SLC30A8: variants seen among roughly 807,000 people sequenced by gnomAD.
SLC30A8 encodes solute carrier family 30 member 8.
A neutral mutation model predicts 36.9 loss-of-function variants in SLC30A8; 27 were observed. The ratio of observed to expected loss-of-function variants is 0.73; its 90% confidence interval spans 0.54 to 1.01. SLC30A8 has a LOEUF of 1.01. Ranked by LOEUF, SLC30A8 falls within the 50% of genes least tolerant of loss-of-function variation. The pLI, the probability that SLC30A8 is intolerant of heterozygous loss-of-function variation, is 0.00. For synonymous variants in SLC30A8, 164 were observed against 172.4 expected (o/e 0.95, Z 0.38); for missense variants, 439 against 452.0 (o/e 0.97, Z 0.26).
chr8:117,039,600 A>G (rs911136081), intron 2 of SLC30A8, among the ~76,000 whole-genome samples: 7 of 152,308 alleles, frequency 4.6e-5, no homozygotes, highest in Middle Eastern at 3.4e-3. Context: ...AGTGCCTCCA[A>G]CTGAGCTTTA....
At chr8:117,070,246 C>G (rs1818290690) in intron 2 of SLC30A8, among the ~76,000 whole-genome samples, 1 of 152,100 alleles carries the variant, frequency 6.6e-6, no homozygotes, top group Admixed American at 6.5e-5. Context: ...CTGTGAGATT[C>G]CACTGCTGGT....
At position 117,163,446 on chromosome 8, in the gene SLC30A8, C is replaced by T. The variant is rs774641324; in HGVS notation, c.745C>T (p.Pro249Ser). 1.4e-5 allele frequency: 23 copies of T among 1,613,208 alleles called. No homozygotes were observed. The highest frequency in any genetic ancestry group is 1.9e-5 in the Non-Finnish European group (23 of 1,179,516). ...CTAGCCAGAGTATAAAATAGCCGACCCAATCTGCACATTCATCTTTTCCAT... is the reference window on the plus strand; with the variant it reads ...CTAGCCAGAGTATAAAATAGCCGACTCAATCTGCACATTCATCTTTTCCAT... ...YFKPEYKIADPICTFIFSILV... is the reference protein window; with the variant it reads ...YFKPEYKIADSICTFIFSILV... Residue 249 changes from proline to serine, a missense_variant, in exon 6 of 8, where the codon CCA (proline) becomes TCA (serine). Transcript: ENST00000456015.
chr8:117,115,807 G>A (rs1820418849), intron 2 of SLC30A8, among the ~76,000 whole-genome samples: 1 of 152,156 alleles, frequency 6.6e-6, no homozygotes, highest in African/African-American at 2.4e-5. Flanking sequence ...ATGAGGAGGG[G>A]CTAGCTGTTC....
rs552986437 is a variant in SLC30A8, at chr8:117,052,148, T to TTAAAGGCGTGCACC, written c.-226+12891_-226+12904dup. Among the ~76,000 whole-genome samples, 29 of 152,230 alleles carry TTAAAGGCGTGCACC rather than the reference T, an allele frequency of 1.9e-4. 1 individual carries two copies. In the South Asian group the frequency reaches 6.0e-3, roughly 32 times the overall value. ...GCCTCAGCCTCCCAAGTGGCTGGGA[T>TTAAAGGCGTGCACC]TAAAGGCGTGCACCACCACACCCAA... On this transcript the variant is annotated intron_variant, in intron 2 of 10. Transcript: ENST00000427715.
chr8:117,105,346 T>TTTTA (rs367947838), intron 2 of SLC30A8, among the ~76,000 whole-genome samples: 2,460 of 152,110 alleles, frequency 0.016, 68 homozygotes, highest in African/African-American at 0.056. Flanking sequence ...ACTTCCATAT[T>TTTTA]TTTATTTATT....
chr8:117,019,155 G>A (rs1441887811), intron 1 of SLC30A8, among the ~76,000 whole-genome samples: 1 of 152,138 alleles, frequency 6.6e-6, no homozygotes, highest in Non-Finnish European at 1.5e-5. Context: ...TCCCCACAGA[G>A]ACTGTGAGGT....
intron 1 of SLC30A8, among the ~76,000 whole-genome samples, chr8:117,017,183 G>A (rs1816548172): frequency 6.6e-6 from 1 of 152,076 alleles, no homozygotes; most frequent in African/African-American, 2.4e-5. Flanking sequence ...ACTGTACCAG[G>A]CACAAAGTAA....
intron 7 of SLC30A8, 151 bp downstream of exon 7, chr8:117,171,319 G>A (rs1313856577): frequency 3.6e-6 from 3 of 826,128 alleles, no homozygotes; most frequent in Admixed American, 2.1e-5. Flanking sequence ...TTTGAAACCA[G>A]CCCACTTATT....
chr8:117,114,255 T>G (rs908650604), intron 2 of SLC30A8, among the ~76,000 whole-genome samples: 1 of 152,098 alleles, frequency 6.6e-6, no homozygotes, highest in African/African-American at 2.4e-5. Flanking sequence ...AGATTAGGAT[T>G]TGAATGGAAA....
intron 1 of SLC30A8, among the ~76,000 whole-genome samples, chr8:117,030,495 G>C (rs1817010322): frequency 6.6e-6 from 1 of 152,038 alleles, no homozygotes; most frequent in Non-Finnish European, 1.5e-5. Context: ...GTGAATCTAA[G>C]GCATGCTCAA....
intron 2 of SLC30A8, among the ~76,000 whole-genome samples, chr8:117,093,027 T>C (rs1819197549): frequency 6.6e-6 from 1 of 152,150 alleles, no homozygotes; most frequent in South Asian, 2.1e-4. Context: ...CACTACTTCC[T>C]AGTCTATCCT....
intron 1 of SLC30A8, among the ~76,000 whole-genome samples, chr8:116,981,166 T>C (rs1026523387): frequency 6.6e-6 from 1 of 152,124 alleles, no homozygotes; most frequent in African/African-American, 2.4e-5. Flanking sequence ...CAATTTGCGG[T>C]GATGTGTTGG....
intron 1 of SLC30A8, among the ~76,000 whole-genome samples, chr8:117,038,640 A>G (rs1817290020): frequency 6.6e-6 from 1 of 152,206 alleles, no homozygotes; most frequent in Non-Finnish European, 1.5e-5. Flanking sequence ...AAAAATCACT[A>G]GAGGTGGAAG....
At chr8:117,134,063 T>G (rs929561842), upstream of SLC30A8, among the ~76,000 whole-genome samples, 2 of 151,952 alleles carry the variant, frequency 1.3e-5, no homozygotes, top group African/African-American at 2.4e-5. Flanking sequence ...CAAAGGTGAC[T>G]TCTCCTGTCA....
intron 1 of SLC30A8, among the ~76,000 whole-genome samples, chr8:116,952,896 A>AG (rs1563719517): frequency 6.6e-6 from 1 of 150,988 alleles, no homozygotes; most frequent in Non-Finnish European, 1.5e-5. Flanking sequence ...TTTTAGATTC[A>AG]GGGGGTATAT....
rs148780595 is a variant in SLC30A8 at position 117,153,046 on chromosome 8, C to T, written c.374C>T (p.Ser125Leu). 2.9e-5 allele frequency: 46 copies of T among 1,612,956 alleles called. No individual in the cohort carries two copies. The highest frequency in any genetic ancestry group is 2.6e-4 in the South Asian group (24 of 90,916). The change falls in exon 3 of 8, where the codon TCG (serine) becomes TTG (leucine). Residue 125 changes from serine (S) to leucine (L), a missense_variant. Physicochemically the swap from Ser to Leu is moderately radical, Grantham distance 145 (BLOSUM62 -2). Coordinates refer to ENST00000456015, the MANE Select transcript of SLC30A8 (RefSeq NM_173851.3). ...LLSLFSLWLS[S>L]KPPSKRLTFG... ...AGTCTCTTCTCCCTGTGGTTGTCAT[C>T]GAAGCCTCCCTCTAAGCGGCTGACA...
chr8:117,171,905 G>C (rs1823404649), intron 7 of SLC30A8, among the ~76,000 whole-genome samples: 2 of 152,086 alleles, frequency 1.3e-5, no homozygotes, highest in Non-Finnish European at 2.9e-5. Context: ...TGAAAACTGT[G>C]CTTTCTCAGA....
intron 4 of SLC30A8, among the ~76,000 whole-genome samples, chr8:117,159,493 G>A (rs1822669656): frequency 6.6e-6 from 1 of 152,188 alleles, no homozygotes; most frequent in African/African-American, 2.4e-5. Flanking sequence ...CTCTCAGTTT[G>A]TGAACCATTG....
chr8:117,035,139 C>T (rs1002871359), intron 1 of SLC30A8, among the ~76,000 whole-genome samples: 3 of 152,210 alleles, frequency 2.0e-5, no homozygotes, highest in Non-Finnish European at 2.9e-5. Context: ...AAAACACAAT[C>T]ATGCCTTCCC....
Sources: allele counts gnomAD v4.1 joint callset (sites outside exome capture counted in the v4.1 genomes callset), GRCh38; gene constraint gnomAD v4.1.1; transcripts MANE v1.5; gene names NCBI Gene and HGNC (gene_info 2026-07-23, HGNC 2026-07-21).